Variants in DBNL observed in about 807,000 individuals in gnomAD.
DBNL encodes drebrin-like protein.
Under a neutral mutation model 62.2 loss-of-function variants are expected in DBNL, and 35 were observed. The observed-to-expected ratio is 0.56, with a 90% CI of 0.43 to 0.75. The LOEUF is 0.75. Among genes scored for constraint, DBNL ranks in the 30% least tolerant of loss-of-function variants. The pLI is 0.00. For synonymous variants in DBNL, 197 were observed against 218.0 expected (o/e 0.90, Z 0.85); for missense variants, 495 against 578.4 (o/e 0.86, Z 1.48).
Position 44,063,148 on chromosome 7 carries a change from A to C in DBNL, c.*2232A>C. ...TAGCCCAGTGGTGAAAAAAATGGGG[A>C]CTTCAGCCCCACCCAAGTGGCTGTG... On this transcript the variant is annotated 3_prime_UTR_variant, in exon 13 of 13. Coordinates refer to ENST00000448521, the MANE Select transcript of DBNL (RefSeq NM_001014436.3). 1 of 589,964 alleles carries C rather than the reference A, an allele frequency of 1.7e-6. No individual in the cohort carries two copies. The highest frequency in any genetic ancestry group is 3.1e-6 in the Non-Finnish European group (1 of 324,070). The allele number at this position is 589,964 out of a possible 1,614,324, so 36.5% of individuals were successfully genotyped here. A position where few individuals can be genotyped will look rare whatever the true frequency, so the allele number is the denominator to read the frequency against.
Position 44,062,960 on chromosome 7 carries a change from C to T in DBNL, c.*2044C>T, listed in dbSNP as rs1466867380. 2 of 1,612,578 alleles carry T rather than the reference C, an allele frequency of 1.2e-6. No individual in the cohort carries two copies. Among genetic ancestry groups the T allele is most frequent in the East Asian group, 4.5e-5 (2 of 44,894 alleles). On this transcript the variant is annotated 3_prime_UTR_variant, in exon 13 of 13. Transcript: ENST00000448521. The stretch of plus-strand genomic sequence containing the variant: ...GCCGGAAGGAATAGGTGTCCTTAGC[C>T]CCTCTGTCCCCAGCCTGTTTACACA...
At chr7:44,050,176 GATGGA>G (rs758538634) in intron 1 of DBNL, 44 bp from the exon 2 acceptor site, 9 of 1,602,916 alleles carry the variant, frequency 5.6e-6, no homozygotes, top group Non-Finnish European at 6.0e-6. Context: ...GGTGAGGAGA[GATGGA>G]ACCCAAGGTG....
At chr7:44,052,363 A>G (rs552000390) in intron 3 of DBNL, among the ~76,000 whole-genome samples, 15 of 152,084 alleles carry the variant, frequency 9.9e-5, no homozygotes, top group African/African-American at 2.7e-4. Flanking sequence ...TCATCCTAGA[A>G]CTTTGGGAGG....
At position 44,044,716 on chromosome 7, in the gene DBNL, C is replaced by T. The variant is rs553854276; in HGVS notation, c.-22C>T. ...CCCGGCCCGGAAGCTACAGCAGCGGCGCGGAGACTGCGGGGCGGGCCATGG... is the reference window on the plus strand; with the variant it reads ...CCCGGCCCGGAAGCTACAGCAGCGGTGCGGAGACTGCGGGGCGGGCCATGG... On this transcript the variant is annotated 5_prime_UTR_variant, in exon 1 of 13. Transcript: ENST00000448521. 3 of 1,481,590 alleles carry T rather than the reference C, an allele frequency of 2.0e-6. No homozygotes were observed. Among genetic ancestry groups the T allele is most frequent in the Admixed American group, 2.3e-5 (1 of 43,528 alleles). The allele number at this position is 1,481,590 out of a possible 1,614,324, so 91.8% of individuals were successfully genotyped here.
intron 5 of DBNL, 38 bp from the exon 6 acceptor site, chr7:44,057,744 C>A (rs765179012): frequency 1.9e-6 from 3 of 1,612,418 alleles, no homozygotes; most frequent in Non-Finnish European, 2.5e-6. Flanking sequence ...TGGCCTTCCA[C>A]CTGGGTCCAG....
chr7:44,062,481 C>T lies in DBNL; in HGVS notation c.*1565C>T, dbSNP rs938315481. On this transcript the variant is annotated 3_prime_UTR_variant, in exon 13 of 13. Coordinates refer to ENST00000448521, the MANE Select transcript of DBNL (RefSeq NM_001014436.3). ...CTAACTGGCCCCAAGCACGCCAATT[C>T]TGGAGCATGGTTACTAAGTGGCTCT... 1.7e-5 allele frequency: 8 copies of T among 473,050 alleles called. No homozygotes were observed. Among genetic ancestry groups the T allele is most frequent in the African/African-American group, 3.9e-5 (2 of 50,868 alleles). The allele number at this position is 473,050 out of a possible 1,614,324, so 29.3% of individuals were successfully genotyped here. A position where few individuals can be genotyped will look rare whatever the true frequency, so the allele number is the denominator to read the frequency against.
chr7:44,050,547 C>A, intron 2 of DBNL: 1 of 370,964 alleles, frequency 2.7e-6, no homozygotes, highest in Non-Finnish European at 5.2e-6. Context: ...TTGTGGGCAG[C>A]CTGCGTTGGG....
rs113430237 is a variant in DBNL, at chr7:44,044,822, T to G, written c.83+2T>G. The G allele has an allele frequency of 2.1e-6, 3 of 1,411,450 alleles. No homozygotes were observed. The highest frequency in any genetic ancestry group is 1.8e-5 in the African/African-American group (1 of 56,866). 87.4% of individuals were successfully genotyped at this position (1,411,450 alleles called of 1,614,324 possible). A position where few individuals can be genotyped will look rare whatever the true frequency, so the allele number is the denominator to read the frequency against. On this transcript the variant is annotated splice_donor_variant, in intron 1 of 12. Transcript: ENST00000448521. LOFTEE classifies it high-confidence loss of function. ...CACCGAGAAGTCCCCGACCGACTGG[T>G]GGGCGGCGAGACGGGCCAGGGTCGG...
chr7:44,054,889 T>C (rs2096133437), intron 4 of DBNL, among the ~76,000 whole-genome samples: 1 of 152,188 alleles, frequency 6.6e-6, no homozygotes, highest in South Asian at 2.1e-4. Flanking sequence ...GCAATACTTG[T>C]CTTCTGTGCC....
In DBNL at chr7:44,056,754, C is replaced by G. The variant is rs1395667212; in HGVS notation, c.328-3C>G. ...CTTCTTTCAAGTGCTGCTCCTGCTGCAGGGGGCCCATGTGACCATCAACGC... is the reference window on the plus strand; with the variant it reads ...CTTCTTTCAAGTGCTGCTCCTGCTGGAGGGGGCCCATGTGACCATCAACGC... On this transcript the variant is annotated splice_region_variant and splice_polypyrimidine_tract_variant and intron_variant, in intron 4 of 12. Transcript: ENST00000448521. The G allele has an allele frequency of 1.2e-6, 2 of 1,613,892 alleles. No homozygotes were observed. Among genetic ancestry groups the G allele is most frequent in the South Asian group, 2.2e-5 (2 of 91,084 alleles).
At chr7:44,045,309 C>G (rs139696568) in intron 1 of DBNL, among the ~76,000 whole-genome samples, 128 of 152,310 alleles carry the variant, frequency 8.4e-4, no homozygotes, top group African/African-American at 3.0e-3. Flanking sequence ...GTGAGCCCTG[C>G]CCTGGGGGCT....
Position 44,056,791 on chromosome 7 carries a change from A to T in DBNL, c.362A>T (p.Glu121Val). The part of the protein sequence containing the change: ...AHVTINARAE[E>V]DVEPECIMEK... Reference sequence around the variant, plus strand: ...GTGACCATCAACGCACGGGCCGAGGAGGATGTGGAGCCTGAGTGCATCATG... The same window carrying T: ...GTGACCATCAACGCACGGGCCGAGGTGGATGTGGAGCCTGAGTGCATCATG... Residue 121 changes from glutamate to valine, a missense_variant, in exon 5 of 13, where the codon GAG becomes GTG. By Grantham distance (121) the Glu-to-Val change is moderately radical. Transcript: ENST00000448521. 6.2e-7 allele frequency: 1 copy of T among 1,613,852 alleles called. No homozygotes were observed. The highest frequency in any genetic ancestry group is 8.5e-7 in the Non-Finnish European group (1 of 1,179,974).
chr7:44,050,472 G>A (rs1306463795), intron 2 of DBNL, 192 bp downstream of exon 2: 2 of 509,530 alleles, frequency 3.9e-6, no homozygotes, highest in East Asian at 3.7e-5. Flanking sequence ...TTCCCTCTGG[G>A]TGCAGGGGAG....
rs1312291724 is a variant in DBNL at position 44,063,933 on chromosome 7, C to G, written c.*3017C>G. 6.6e-6 allele frequency: 1 copy of G among 152,014 alleles called. No homozygotes were observed. Among genetic ancestry groups the G allele is most frequent in the Non-Finnish European group, 1.5e-5 (1 of 67,936 alleles). 9.4% of individuals were successfully genotyped at this position (152,014 alleles called of 1,614,324 possible). On this transcript the variant is annotated 3_prime_UTR_variant, in exon 13 of 13. Transcript: ENST00000448521. The stretch of plus-strand genomic sequence containing the variant: ...AGGTGGTCCTTCCCTCTGCCTGGCC[C>G]CAGTGCCAGGTGCCAGGTGTCCGTG...
rs756839347 is a variant in DBNL, at chr7:44,059,460, T to G, written c.931+11T>G. On this transcript the variant is annotated intron_variant, in intron 10 of 12. Coordinates refer to ENST00000448521, the MANE Select transcript of DBNL (RefSeq NM_001014436.3). The surrounding 1 kb of genome is among the most constrained non-coding windows in gnomAD (Gnocchi z 4.1). Reference sequence around the variant, plus strand: ...CAAGGCCCAGGGCAGGCAAGGCGCTTGTCACCCCATGGGGACCCTGGGGGA... The same window carrying G: ...CAAGGCCCAGGGCAGGCAAGGCGCTGGTCACCCCATGGGGACCCTGGGGGA... The G allele has an allele frequency of 2.7e-5, 44 of 1,613,762 alleles. No individual in the cohort carries two copies. The Middle Eastern group carries it at 9.9e-4, about 36-fold the overall frequency.
At position 44,065,047 on chromosome 7, in the gene DBNL, G is replaced by T; in HGVS notation, c.*4131G>T. ...ACAGGCACGCTGCTTTCCCTCCCAA[G>T]CCAGTGGGCCCCCACCCGACTCCCC... is the stretch of plus-strand genomic sequence containing the variant. On this transcript the variant is annotated 3_prime_UTR_variant, in exon 13 of 13. Coordinates refer to ENST00000448521, the MANE Select transcript of DBNL (RefSeq NM_001014436.3). 6.2e-7 allele frequency: 1 copy of T among 1,608,714 alleles called. No individual in the cohort carries two copies.
rs1333045729 is a variant in DBNL at position 44,067,870 on chromosome 7, G to A, written c.*6954G>A. 1 of 152,418 alleles carries A rather than the reference G, an allele frequency of 6.6e-6. No individual in the cohort carries two copies. Among genetic ancestry groups the A allele is most frequent in the African/African-American group, 2.4e-5 (1 of 41,572 alleles). 9.4% of individuals were successfully genotyped at this position (152,418 alleles called of 1,614,324 possible). A position where few individuals can be genotyped will look rare whatever the true frequency, so the allele number is the denominator to read the frequency against. On this transcript the variant is annotated 3_prime_UTR_variant, in exon 13 of 13. Coordinates refer to ENST00000448521, the MANE Select transcript of DBNL (RefSeq NM_001014436.3). ...ATTCAAAGTTCCGCAGAGAAGTGGT[G>A]AGGTAACAAGTATTGCCTAGCCTGG... is the stretch of plus-strand genomic sequence containing the variant.
chr7:44,052,741 G>A, intron 3 of DBNL, 126 bp from the exon 4 acceptor site: 1 of 1,108,952 alleles, frequency 9.0e-7, no homozygotes. Context: ...GCAGTCAGAA[G>A]AATAGGTTCT....
Position 44,050,222 on chromosome 7 carries a change from C to G in DBNL, c.84-3C>G. The G allele has an allele frequency of 6.2e-7, 1 of 1,613,620 alleles. No homozygotes were observed. Among genetic ancestry groups the G allele is most frequent in the Non-Finnish European group, 8.5e-7 (1 of 1,179,626 alleles). On this transcript the variant is annotated splice_polypyrimidine_tract_variant and splice_region_variant and intron_variant, in intron 1 of 12. Transcript: ENST00000448521. ...TACAGAGCTCACTTGTGTTTCGTTT[C>G]AGGGCTCTCTTTACCTATGAAGGCA... is the stretch of plus-strand genomic sequence containing the variant.
Sources: allele counts gnomAD v4.1 joint callset (sites outside exome capture counted in the v4.1 genomes callset), GRCh38; gene constraint gnomAD v4.1.1; non-coding constraint Gnocchi (gnomAD v3.1); transcripts MANE v1.5; gene names NCBI Gene and HGNC (gene_info 2026-07-23, HGNC 2026-07-21).